TBC1D22B: variants seen among roughly 807,000 people sequenced by gnomAD.
TBC1D22B encodes the protein TBC1 domain family member 22B.
TBC1D22B carries 32 observed loss-of-function variants against 69.1 expected under a neutral mutation model. The observed-to-expected ratio is 0.46, with a 90% CI of 0.35 to 0.62. TBC1D22B has a LOEUF of 0.62. TBC1D22B is among the 20% of genes least tolerant of loss of function. The pLI is 0.00. For missense variants in TBC1D22B, 462 were observed against 630.9 expected, an observed-to-expected ratio of 0.73 and a Z score of 2.87; for synonymous variants, 206 against 229.8, an observed-to-expected ratio of 0.90 and a Z score of 0.94.
chr6:37,316,145 T>C (rs1468529842), intron 10 of TBC1D22B, among the ~76,000 whole-genome samples: 1 of 152,072 alleles, frequency 6.6e-6, no homozygotes, highest in Non-Finnish European at 1.5e-5. Flanking sequence ...CACCAAAGGG[T>C]GGGAGTGAGG....
intron 1 of TBC1D22B, among the ~76,000 whole-genome samples, chr6:37,260,255 G>A (rs1465110040): frequency 1.3e-5 from 2 of 152,158 alleles, no homozygotes; most frequent in Non-Finnish European, 2.9e-5. Flanking sequence ...TCTCCTGGGT[G>A]GGGAAATGAC....
chr6:37,325,531 T>C (rs1051644686), intron 12 of TBC1D22B, among the ~76,000 whole-genome samples: 16 of 144,700 alleles, frequency 1.1e-4, no homozygotes, highest in African/African-American at 4.1e-4. Context: ...GCCATAATTA[T>C]CGTTTCTACT....
At chr6:37,263,388 C>T (rs558180916) in intron 1 of TBC1D22B, among the ~76,000 whole-genome samples, 1 of 152,320 alleles carries the variant, frequency 6.6e-6, no homozygotes, top group South Asian at 2.1e-4. Flanking sequence ...GTGCAATGTG[C>T]AGTCTTTTAT....
At chr6:37,284,142 T>A (rs1179225331) in intron 5 of TBC1D22B, among the ~76,000 whole-genome samples, 194 bp from the exon 6 acceptor site, 1 of 152,212 alleles carries the variant, frequency 6.6e-6, no homozygotes, top group African/African-American at 2.4e-5. Flanking sequence ...AAAGCTGGCC[T>A]TGCTTCATCT....
intron 8 of TBC1D22B, among the ~76,000 whole-genome samples, chr6:37,294,343 A>C (rs1000605643): frequency 8.5e-5 from 13 of 152,250 alleles, no homozygotes; most frequent in Middle Eastern, 3.4e-3. Flanking sequence ...ACTTTATAAA[A>C]ACAATTTTTG....
intron 8 of TBC1D22B, among the ~76,000 whole-genome samples, chr6:37,297,272 T>C (rs1767414828): frequency 6.6e-6 from 1 of 152,246 alleles, no homozygotes; most frequent in Non-Finnish European, 1.5e-5. Flanking sequence ...CTGCGTATTA[T>C]AGTTGGTTGT....
chr6:37,273,579 T>C (rs1230428606), intron 2 of TBC1D22B, among the ~76,000 whole-genome samples: 1 of 152,262 alleles, frequency 6.6e-6, no homozygotes, highest in African/African-American at 2.4e-5. Flanking sequence ...GTTGATGATA[T>C]AAAATCATGA....
In TBC1D22B at chr6:37,282,167, T is replaced by G. The variant is rs1766853932; in HGVS notation, c.422-18T>G. 6.2e-7 allele frequency: 1 copy of G among 1,613,714 alleles called. No individual in the cohort carries two copies. The highest frequency in any genetic ancestry group is 8.5e-7 in the Non-Finnish European group (1 of 1,179,764). On this transcript the variant is annotated intron_variant, in intron 3 of 12. Coordinates refer to ENST00000373491, the MANE Select transcript of TBC1D22B (RefSeq NM_017772.4). ...CTCCTCACACAGCCCGTTCTCTTTC[T>G]TTTTCAAATGATCTCAGGTGATACA...
intron 1 of TBC1D22B, among the ~76,000 whole-genome samples, chr6:37,261,432 C>CAAA (rs56999111): frequency 2.6e-5 from 2 of 75,924 alleles, no homozygotes; most frequent in African/African-American, 4.8e-5. Context: ...AGATTGTCTC[C>CAAA]AAAAAAAAAA....
rs149035515 is a variant in TBC1D22B, at chr6:37,282,292, C to G, written c.529C>G (p.Pro177Ala). 4,237 of 1,614,144 alleles carry G rather than the reference C, an allele frequency of 2.6e-3. 11 individuals are homozygous for G. The highest frequency in any genetic ancestry group is 3.2e-3 in the Non-Finnish European group (3,764 of 1,180,014). ...ISDQNASGAP[P>A]MTVREKTRLE... is the part of the protein sequence containing the mutation. The stretch of plus-strand genomic sequence containing the variant: ...GGATCAGAACGCTTCTGGGGCCCCC[C>G]CAATGACTGTCCGGGAGAAAACCCG... The change falls in exon 4 of 13, where the codon CCA becomes GCA. Residue 177 changes from proline (P) to alanine (A), a missense_variant. Physicochemically the swap from Pro to Ala is conservative, Grantham distance 27. Around this residue, in one of 2 missense-constraint regions of TBC1D22B, gnomAD observed 237 missense variants for 255.4 expected, o/e 0.93. Coordinates refer to ENST00000373491, the MANE Select transcript of TBC1D22B (RefSeq NM_017772.4).
Position 37,267,569 on chromosome 6 carries a change from A to G in TBC1D22B, c.57-2025A>G, listed in dbSNP as rs566598437. On this transcript the variant is annotated intron_variant, in intron 1 of 12. Transcript: ENST00000373491. ...TATACACATATATATATACACACAC[A>G]CATATATATATTCTGATAATTTGGA... 1.5e-3 allele frequency among the ~76,000 whole-genome samples: 224 copies of G among 144,746 alleles called. 1 individual carries two copies. Among genetic ancestry groups the G allele is most frequent in the African/African-American group, 3.8e-3 (149 of 38,998 alleles). 95.0% of individuals were successfully genotyped at this position (144,746 alleles called of 152,430 possible). A position where few individuals can be genotyped will look rare whatever the true frequency, so the allele number is the denominator to read the frequency against.
chr6:37,294,667 C>A (rs1462876846), intron 8 of TBC1D22B, among the ~76,000 whole-genome samples: 1 of 152,184 alleles, frequency 6.6e-6, no homozygotes, highest in Non-Finnish European at 1.5e-5. Context: ...ATAAGTGGAA[C>A]AACAAAGCTT....
chr6:37,321,860 G>A (rs544768393), intron 12 of TBC1D22B, among the ~76,000 whole-genome samples: 23 of 152,298 alleles, frequency 1.5e-4, no homozygotes, highest in African/African-American at 5.5e-4. Context: ...GACACAAGAA[G>A]TGTTCTCTGT....
At chr6:37,273,688 A>C (rs963456771) in intron 2 of TBC1D22B, among the ~76,000 whole-genome samples, 8 of 152,308 alleles carry the variant, frequency 5.3e-5, no homozygotes, top group Non-Finnish European at 1.2e-4. Flanking sequence ...TCACTGGATT[A>C]ATTGGTTCCC....
At chr6:37,267,628 T>A (rs1766351283) in intron 1 of TBC1D22B, among the ~76,000 whole-genome samples, 1 of 150,780 alleles carries the variant, frequency 6.6e-6, no homozygotes, top group African/African-American at 2.4e-5. Context: ...ATTGTGTTTA[T>A]AAGTGTAACT....
intron 8 of TBC1D22B, among the ~76,000 whole-genome samples, chr6:37,308,723 G>A (rs1036932473): frequency 6.6e-6 from 1 of 152,178 alleles, no homozygotes; most frequent in Non-Finnish European, 1.5e-5. Flanking sequence ...CAGAAGTAGA[G>A]AACTTTTAAA....
rs199893852 is a variant in TBC1D22B, at chr6:37,267,277, G to T, written c.57-2317G>T. On this transcript the variant is annotated intron_variant, in intron 1 of 12. Transcript: ENST00000373491. ...TCTTAAAAAAGTCTTTCACTATGTG[G>T]ACTGTGCTTGCTTTTGAGGGGAGGA... 2.1e-5 allele frequency among the ~76,000 whole-genome samples: 3 copies of T among 145,920 alleles called. No individual in the cohort carries two copies. In the East Asian group the frequency reaches 5.9e-4, roughly 28 times the overall value.
At chr6:37,295,059 G>A (rs1277529782) in intron 8 of TBC1D22B, among the ~76,000 whole-genome samples, 3 of 152,206 alleles carry the variant, frequency 2.0e-5, no homozygotes, top group African/African-American at 7.2e-5. Context: ...TAGTAAAGCA[G>A]TGGCAGGATT....
At chr6:37,278,901 C>G (rs1766741703) in intron 2 of TBC1D22B, among the ~76,000 whole-genome samples, 1 of 151,856 alleles carries the variant, frequency 6.6e-6, no homozygotes. Flanking sequence ...CCACTGCACT[C>G]CAGCCTAGGT....
Sources: gnomAD v4.1 joint callset for allele counts (sites outside exome capture counted in the v4.1 genomes callset) on GRCh38, gnomAD v4.1.1 for gene constraint, gnomAD v4.1.1 regional missense constraint, MANE v1.5 for transcripts, NCBI Gene and HGNC (gene_info 2026-07-23, HGNC 2026-07-21) for gene names.